Variants in CLIC6 observed in about 807,000 individuals in gnomAD.
CLIC6 encodes the protein CLIC family member 6.
A neutral mutation model predicts 49.2 loss-of-function variants in CLIC6; 39 were observed. The ratio of observed to expected loss-of-function variants is 0.79; its 90% CI spans 0.61 to 1.04. The LOEUF (loss-of-function observed/expected upper bound fraction) is 1.04, where lower values mean the gene tolerates loss of function less well. CLIC6 is among the 50% of genes least tolerant of loss of function. CLIC6 has a pLI of 0.00. For synonymous variants in CLIC6, 446 were observed against 433.4 expected (o/e 1.03, Z -0.36); for missense variants, 988 against 993.1 (o/e 0.99, Z 0.07).
intron 1 of CLIC6, among the ~76,000 whole-genome samples, chr21:34,684,615 T>C (rs191928078): frequency 5.3e-5 from 8 of 152,370 alleles, no homozygotes; most frequent in South Asian, 4.1e-4. Context: ...AGCAGCCAGA[T>C]TGTGTTTACA....
rs146056012 is a variant in CLIC6 at position 34,687,760 on chromosome 21, G to GT, written c.1374+17006dup. On this transcript the variant is annotated intron_variant, in intron 1 of 5. Transcript: ENST00000349499. ...CTTAGGAATATGTTTAGGATTAGTA[G>GT]TTTTTTTTAAATGTTTACACCTATG... Among the ~76,000 whole-genome samples the GT allele has an allele frequency of 9.4e-3, 1,429 of 152,138 alleles. 25 individuals carry two copies. Among genetic ancestry groups the GT allele is most frequent in the African/African-American group, 0.032 (1,338 of 41,496 alleles).
intron 1 of CLIC6, among the ~76,000 whole-genome samples, chr21:34,678,274 A>G (rs1483828162): frequency 1.5e-5 from 2 of 132,970 alleles, no homozygotes; most frequent in Non-Finnish European, 3.4e-5. Flanking sequence ...TACTAAAAAT[A>G]CAAAAAAAAA....
chr21:34,674,828 C>A (rs1212169567), intron 1 of CLIC6, among the ~76,000 whole-genome samples: 1 of 152,074 alleles, frequency 6.6e-6, no homozygotes, highest in Non-Finnish European at 1.5e-5. Flanking sequence ...AACATAATAA[C>A]AACAGGCAAA....
chr21:34,681,066 A>C (rs1224552680), intron 1 of CLIC6, among the ~76,000 whole-genome samples: 2 of 152,248 alleles, frequency 1.3e-5, no homozygotes, highest in Non-Finnish European at 2.9e-5. Context: ...CTCATACTGC[A>C]ATAAAGAACT....
chr21:34,669,229 G>A lies in CLIC6; in HGVS notation c.-160G>A, dbSNP rs1462800271. Among the ~76,000 whole-genome samples, 1 of 152,240 alleles carries A rather than the reference G, an allele frequency of 6.6e-6. No individual in the cohort carries two copies. The highest frequency in any genetic ancestry group is 1.5e-5 in the Non-Finnish European group (1 of 68,032). On this transcript the variant is annotated 5_prime_UTR_variant, in exon 1 of 6. Coordinates refer to ENST00000349499, the MANE Select transcript of CLIC6 (RefSeq NM_053277.3). The stretch of plus-strand genomic sequence containing the variant: ...GCGGAGTTTGCCCTGCGGGTCCTGC[G>A]CAAGGCCCCAGTGCCCCGGCTAAAC...
rs144563336 is a variant in CLIC6, at chr21:34,685,360, C to T, written c.1374+14598C>T. 3.5e-3 allele frequency among the ~76,000 whole-genome samples: 533 copies of T among 152,326 alleles called. 4 individuals are homozygous for T. Among genetic ancestry groups the T allele is most frequent in the African/African-American group, 0.012 (505 of 41,558 alleles). On this transcript the variant is annotated intron_variant, in intron 1 of 5. Transcript: ENST00000349499. ...CCATATGGCCTGTCCAAGACGTCGG[C>T]ACATCACAGCCATCATCTGCTTTGA...
At chr21:34,690,736 T>A (rs1989976708) in intron 1 of CLIC6, among the ~76,000 whole-genome samples, 1 of 152,110 alleles carries the variant, frequency 6.6e-6, no homozygotes, top group Admixed American at 6.5e-5. Flanking sequence ...CCTCAACTGC[T>A]TTATGGACAA....
intron 1 of CLIC6, among the ~76,000 whole-genome samples, chr21:34,695,661 G>A (rs1990076203): frequency 6.6e-6 from 1 of 152,204 alleles, no homozygotes. Flanking sequence ...TGTCTTCTCA[G>A]ACTCTGAAAT....
rs753964966 is a variant in CLIC6, at chr21:34,670,411, G to A, written c.1023G>A (p.Gly341=). The A allele has an allele frequency of 5.7e-4, 835 of 1,461,082 alleles. No individual in the cohort carries two copies. Among genetic ancestry groups the A allele is most frequent in the Middle Eastern group, 2.5e-3 (11 of 4,412 alleles). The allele number at this position is 1,461,082 out of a possible 1,614,324, so 90.5% of individuals were successfully genotyped here. ...AEEAEVPGVK[G]SEEAAPGDAR... is the part of the protein sequence containing the mutation. The stretch of plus-strand genomic sequence containing the variant: ...AGGCGGAGGTCCCGGGGGTAAAGGG[G>A]TCCGAAGAAGCGGCCCCCGGGGACG... The change falls in exon 1 of 6, where the codon GGG becomes GGA. Residue 341 remains glycine (G), a synonymous_variant. Coordinates refer to ENST00000349499, the MANE Select transcript of CLIC6 (RefSeq NM_053277.3).
intron 1 of CLIC6, among the ~76,000 whole-genome samples, chr21:34,682,565 A>C (rs1251430683): frequency 6.6e-6 from 1 of 152,016 alleles, no homozygotes; most frequent in African/African-American, 2.4e-5. Context: ...TGTCTGTCAC[A>C]TGTGTTCCAT....
chr21:34,684,088 T>G (rs1437272842), intron 1 of CLIC6, among the ~76,000 whole-genome samples: 1 of 143,794 alleles, frequency 7.0e-6, no homozygotes, highest in Non-Finnish European at 1.5e-5. Flanking sequence ...AAACGCTGCT[T>G]TTTTTTTTTT....
intron 1 of CLIC6, among the ~76,000 whole-genome samples, chr21:34,696,728 T>A (rs1332655802): frequency 6.6e-6 from 1 of 152,242 alleles, no homozygotes; most frequent in Admixed American, 6.5e-5. Flanking sequence ...ACTTTCATCA[T>A]TACCATTATT....
chr21:34,710,566 C>A (rs1044287630), intron 5 of CLIC6, among the ~76,000 whole-genome samples: 4 of 152,198 alleles, frequency 2.6e-5, no homozygotes, highest in African/African-American at 9.6e-5. Flanking sequence ...GTAATCCCAG[C>A]ACTTTGGGAG....
At chr21:34,715,950 G>A (rs938810293) in intron 5 of CLIC6, among the ~76,000 whole-genome samples, 4 of 152,218 alleles carry the variant, frequency 2.6e-5, no homozygotes, top group Non-Finnish European at 4.4e-5. Flanking sequence ...TCCACCATGC[G>A]TCTTTATTCA....
chr21:34,680,203 G>A (rs1989750462), intron 1 of CLIC6, among the ~76,000 whole-genome samples: 1 of 152,240 alleles, frequency 6.6e-6, no homozygotes, highest in African/African-American at 2.4e-5. Context: ...TGCACCAGCA[G>A]GCCCAACACC....
chr21:34,671,657 T>C (rs187171052), intron 1 of CLIC6, among the ~76,000 whole-genome samples: 7 of 152,224 alleles, frequency 4.6e-5, no homozygotes, highest in African/African-American at 1.7e-4. Context: ...CCCAGGAAAG[T>C]TGGAGATAAT....
Position 34,669,426 on chromosome 21 carries a change from G to A in CLIC6, c.38G>A (p.Gly13Asp), listed in dbSNP as rs1046187866. Residue 13 changes from glycine to aspartate, a missense_variant, in exon 1 of 6, where the codon GGT becomes GAT. By Grantham distance (94) the Gly-to-Asp change is moderately conservative. This residue lies in a region of CLIC6 where 284 missense variants were observed against 278.6 expected (regional missense o/e 1.02). Transcript: ENST00000349499. ...GCGGAGCCGGAGGGGGTTGCCCCGG[G>A]TCCCCAGGGGCCGCCGGAGGTCCCC... is the stretch of plus-strand genomic sequence containing the variant. ...EAAEPEGVAP[G>D]PQGPPEVPAP... is the part of the protein sequence containing the mutation. 3 of 1,234,980 alleles carry A rather than the reference G, an allele frequency of 2.4e-6. No homozygotes were observed. Among genetic ancestry groups the A allele is most frequent in the Non-Finnish European group, 3.0e-6 (3 of 990,108 alleles). The allele number at this position is 1,234,980 out of a possible 1,614,324, so 76.5% of individuals were successfully genotyped here.
chr21:34,703,490 C>T (rs1176164618), intron 1 of CLIC6, among the ~76,000 whole-genome samples: 2 of 151,990 alleles, frequency 1.3e-5, no homozygotes. Flanking sequence ...AGTGGTGGGG[C>T]AGAGAGCTGT....
Position 34,716,862 on chromosome 21 carries a change from T to TCTCACACACACA in CLIC6, c.*381_*382insTCACACACACAC. 1 of 131,634 alleles carries TCTCACACACACA rather than the reference T, an allele frequency of 7.6e-6. No homozygotes were observed. The highest frequency in any genetic ancestry group is 3.2e-5 in the African/African-American group (1 of 31,214). The allele number at this position is 131,634 out of a possible 1,614,324, so 8.2% of individuals were successfully genotyped here. On this transcript the variant is annotated 3_prime_UTR_variant, in exon 6 of 6. Coordinates refer to ENST00000349499, the MANE Select transcript of CLIC6 (RefSeq NM_053277.3). ...CTCTCTCTCTCTCTCTCTCTCTCTA[T>TCTCACACACACA]CACACACACACACACACACACACAC...
Sources: gnomAD v4.1 joint callset for allele counts (sites outside exome capture counted in the v4.1 genomes callset) on GRCh38, gnomAD v4.1.1 for gene constraint, gnomAD v4.1.1 regional missense constraint, MANE v1.5 for transcripts, NCBI Gene and HGNC (gene_info 2026-07-23, HGNC 2026-07-21) for gene names.